The following PI4KA variants were observed in gnomAD, a reference collection of about 807,000 sequenced individuals.
The protein encoded by PI4KA is phosphatidylinositol 4-kinase alpha.
Under a neutral mutation model 271.4 loss-of-function variants are expected in PI4KA, and 122 were observed. The ratio of observed to expected loss-of-function variants is 0.45; its 90% confidence interval spans 0.39 to 0.52. PI4KA has a LOEUF of 0.52. PI4KA is among the 20% of genes least tolerant of loss of function. The pLI is 0.00. For synonymous variants in PI4KA, 1,041 were observed against 1,078.8 expected (o/e 0.96, Z 0.69); for missense variants, 1,969 against 2,769.1 (o/e 0.71, Z 6.48).
chr22:20,799,025 C>G (rs564887765), intron 16 of PI4KA, 68 bp downstream of exon 16: 4 of 1,278,214 alleles, frequency 3.1e-6, no homozygotes, highest in Non-Finnish European at 4.4e-6. Context: ...ATTTGTACAT[C>G]CCTTATAGTC....
chr22:20,751,820 C>G (rs898002825), intron 25 of PI4KA, 65 bp from the exon 26 acceptor site: 153 of 1,422,884 alleles, frequency 1.1e-4, no homozygotes, highest in Non-Finnish European at 1.4e-4. Context: ...CTTCTAGGAG[C>G]CCCCTCAGCT....
intron 10 of PI4KA, among the ~76,000 whole-genome samples, chr22:20,806,250 G>C (rs1335361138): frequency 3.9e-5 from 6 of 152,212 alleles, no homozygotes; most frequent in Admixed American, 3.3e-4. Flanking sequence ...TGTGAGGGGA[G>C]AGCATAGGAA....
chr22:20,786,810 G>A lies in PI4KA; in HGVS notation c.2328+6383C>T. 2.7e-6 allele frequency: 4 copies of A among 1,461,868 alleles called. No homozygotes were observed. The Admixed American group carries it at 6.7e-5, about 24-fold the overall frequency. The allele number at this position is 1,461,868 out of a possible 1,614,324, so 90.6% of individuals were successfully genotyped here. A position where few individuals can be genotyped will look rare whatever the true frequency, so the allele number is the denominator to read the frequency against. ...TCCTTTCCCTGAATGATATGAGATT[G>A]TGCTGGGAACTCTAGCCCTCTGTGT... On this transcript the variant is annotated intron_variant, in intron 19 of 54. Transcript: ENST00000255882.
In PI4KA at chr22:20,721,325, G is replaced by C. The variant is rs1926713092; in HGVS notation, c.5089C>G (p.Leu1697Val). 6.2e-7 allele frequency: 1 copy of C among 1,614,058 alleles called. No homozygotes were observed. The highest frequency in any genetic ancestry group is 8.5e-7 in the Non-Finnish European group (1 of 1,179,960). Residue 1697 changes from leucine to valine, a missense_variant, in exon 43 of 55, where the codon CTA becomes GTA. Physicochemically the swap from Leu to Val is conservative, Grantham distance 32. This residue lies in a region of PI4KA where 388 missense variants were observed against 521.5 expected (regional missense o/e 0.74). Coordinates refer to ENST00000255882, the MANE Select transcript of PI4KA (RefSeq NM_058004.4). Reference protein sequence around the residue: ...FIWNMKTNIYLDEEGHQKDPD... With the variant: ...FIWNMKTNIYVDEEGHQKDPD... ...TCTTTCTGGTGGCCCTCTTCATCTA[G>C]ATAAATGTTAGTCTTCATGTTCCAG...
chr22:20,858,715 G>A lies in PI4KA; in HGVS notation c.11C>T (p.Ala4Val), dbSNP rs1016890654. Residue 4 changes from alanine to valine, a missense_variant, in exon 1 of 55, where the codon GCC (alanine) becomes GTC (valine). Physicochemically the swap from Ala to Val is moderately conservative, Grantham distance 64. Around this residue, in one of 13 missense-constraint regions of PI4KA, gnomAD observed 540 missense variants for 555.5 expected, o/e 0.97. Coordinates refer to ENST00000255882, the MANE Select transcript of PI4KA (RefSeq NM_058004.4). The part of the protein sequence containing the change: MAA[A>V]PARGGGGGGG... Reference sequence around the variant, plus strand: ...TCCGCCTCCGCCTCCCCGGGCCGGGGCCGCCGCCATCACCTCACGAGCCGC... The same window carrying A: ...TCCGCCTCCGCCTCCCCGGGCCGGGACCGCCGCCATCACCTCACGAGCCGC... 2.6e-5 allele frequency: 38 copies of A among 1,446,680 alleles called. No homozygotes were observed. The African/African-American group carries it at 4.7e-4, about 18-fold the overall frequency. The allele number at this position is 1,446,680 out of a possible 1,614,324, so 89.6% of individuals were successfully genotyped here. A position where few individuals can be genotyped will look rare whatever the true frequency, so the allele number is the denominator to read the frequency against.
chr22:20,818,440 C>T, intron 7 of PI4KA, 43 bp downstream of exon 7: 1 of 1,463,490 alleles, frequency 6.8e-7, no homozygotes, highest in South Asian at 1.2e-5. Flanking sequence ...AGCCTGTTCT[C>T]CAAGTATTAC....
chr22:20,746,058 A>AAAAG (rs1272827051), intron 29 of PI4KA, among the ~76,000 whole-genome samples: 2 of 107,322 alleles, frequency 1.9e-5, no homozygotes, highest in Non-Finnish European at 3.6e-5. Context: ...AAAAAAAAAA[A>AAAAG]GAATTTTTTT....
Position 20,852,525 on chromosome 22 carries a change from G to T in PI4KA, c.156+6045C>A, listed in dbSNP as rs141796612. ...GTTATGGCAGCCTAGCAAACTAATA[G>T]TTAATATGGCATGGTTACAGGTAAA... On this transcript the variant is annotated intron_variant, in intron 1 of 54. Transcript: ENST00000255882. 1.1e-3 allele frequency among the ~76,000 whole-genome samples: 162 copies of T among 152,294 alleles called. 1 individual carries two copies. In the East Asian group the frequency reaches 0.02, roughly 19 times the overall value.
rs1931981291 is a variant in PI4KA at position 20,761,621 on chromosome 22, G to A, written c.2709-235C>T. Among the ~76,000 whole-genome samples, 2 of 152,166 alleles carry A rather than the reference G, an allele frequency of 1.3e-5. 1 individual carries two copies. The highest frequency in any genetic ancestry group is 4.1e-4 in the South Asian group (2 of 4,826). ...TATATCTTCAGGGTTACATGCACAA[G>A]GATTCTCCTAACAGCACTGACTGCA... On this transcript the variant is annotated intron_variant, in intron 22 of 54. Coordinates refer to ENST00000255882, the MANE Select transcript of PI4KA (RefSeq NM_058004.4).
At chr22:20,802,574 C>T (rs971670974) in intron 13 of PI4KA, among the ~76,000 whole-genome samples, 4 of 152,188 alleles carry the variant, frequency 2.6e-5, no homozygotes, top group African/African-American at 9.7e-5. Flanking sequence ...CTTGCTCTGT[C>T]ACCCAGGCCG....
In PI4KA at chr22:20,820,643, AC is replaced by A. The variant is rs374070982; in HGVS notation, c.457-33del. The A allele has an allele frequency of 4.5e-4, 659 of 1,472,882 alleles. 1 individual carries two copies. The African/African-American group carries it at 8.5e-3, about 19-fold the overall frequency. 91.2% of individuals were successfully genotyped at this position (1,472,882 alleles called of 1,614,324 possible). ...CAGTCAAGGAAACAAGAAAAAAAAA[AC>A]ATAAACAAAATTAGGTAAATATCAC... is the stretch of plus-strand genomic sequence containing the variant. On this transcript the variant is annotated intron_variant, in intron 4 of 54. Transcript: ENST00000255882.
intron 1 of PI4KA, among the ~76,000 whole-genome samples, chr22:20,857,238 A>C (rs1351142955): frequency 6.6e-6 from 1 of 152,214 alleles, no homozygotes; most frequent in East Asian, 1.9e-4. Flanking sequence ...GTGATACAGG[A>C]TTTAAATTCA....
chr22:20,725,488 G>A (rs1464130586), intron 42 of PI4KA: 1 of 443,236 alleles, frequency 2.3e-6, no homozygotes, highest in Non-Finnish European at 4.6e-6. Context: ...GTAAAATGAG[G>A]TCAATAGGGT....
intron 29 of PI4KA, among the ~76,000 whole-genome samples, chr22:20,746,786 G>C (rs1930164817): frequency 6.6e-6 from 1 of 152,208 alleles, no homozygotes; most frequent in Non-Finnish European, 1.5e-5. Context: ...CTCGAGGAGA[G>C]TGCCCTGATA....
At chr22:20,769,617 C>T (rs1932784808) in intron 19 of PI4KA, among the ~76,000 whole-genome samples, 1 of 147,636 alleles carries the variant, frequency 6.8e-6, no homozygotes. Flanking sequence ...TGCAGTGAGC[C>T]AAGATTGCGC....
At chr22:20,821,861 C>T (rs988660405) in intron 4 of PI4KA, among the ~76,000 whole-genome samples, 1 of 152,184 alleles carries the variant, frequency 6.6e-6, no homozygotes, top group Non-Finnish European at 1.5e-5. Flanking sequence ...TCCCAAGGTA[C>T]TGGGATTATA....
chr22:20,787,537 C>T (rs1051282577), intron 19 of PI4KA: 1 of 229,216 alleles, frequency 4.4e-6, no homozygotes, highest in Non-Finnish European at 8.7e-6. Context: ...GGGAAGAAGC[C>T]ACCTCAAGAC....
chr22:20,855,905 T>A (rs914040128), intron 1 of PI4KA, among the ~76,000 whole-genome samples: 1 of 152,256 alleles, frequency 6.6e-6, no homozygotes. Context: ...ATTTCCCAGA[T>A]GCCAGCCAAA....
At chr22:20,823,104 G>A (rs976278377) in intron 4 of PI4KA, among the ~76,000 whole-genome samples, 14 of 152,042 alleles carry the variant, frequency 9.2e-5, no homozygotes, top group Admixed American at 9.2e-4. Context: ...AGTAGAGATG[G>A]GGTTTCTTCA....
Sources: allele counts gnomAD v4.1 joint callset (sites outside exome capture counted in the v4.1 genomes callset), GRCh38; gene constraint gnomAD v4.1.1; regional missense constraint gnomAD v4.1.1; transcripts MANE v1.5; gene names NCBI Gene and HGNC (gene_info 2026-07-23, HGNC 2026-07-21).